The following OXR1 variants were observed in gnomAD, a reference collection of about 807,000 sequenced individuals.
OXR1 encodes oxidation resistance protein 1.
Under a neutral mutation model 104.6 loss-of-function variants are expected in OXR1, and 41 were observed. The ratio of observed to expected loss-of-function variants is 0.39; its 90% CI spans 0.31 to 0.51. OXR1 has a LOEUF of 0.51. Ranked by LOEUF, OXR1 falls within the 20% of genes least tolerant of loss-of-function variation. The probability of loss-of-function intolerance (pLI) is 0.77; values close to 1 mark genes in which losing one functional copy is unlikely to be tolerated. For synonymous variants in OXR1, 348 were observed against 348.4 expected (o/e 1.00, Z 0.01); for missense variants, 955 against 1,031.9 (o/e 0.93, Z 1.02).
intron 2 of OXR1, among the ~76,000 whole-genome samples, chr8:106,463,834 T>C (rs1821035835): frequency 6.6e-6 from 1 of 152,078 alleles, no homozygotes; most frequent in Non-Finnish European, 1.5e-5. Context: ...CAATAAATGC[T>C]TTTTTGCTAT....
At chr8:106,417,296 CA>C (rs1408839722) in intron 2 of OXR1, among the ~76,000 whole-genome samples, 8 of 152,180 alleles carry the variant, frequency 5.3e-5, no homozygotes, top group African/African-American at 1.9e-4. Flanking sequence ...ATTGGAACTC[CA>C]CTATTATGCA....
chr8:106,699,685 A>T (rs1587145506), intron 7 of OXR1, among the ~76,000 whole-genome samples: 1 of 152,204 alleles, frequency 6.6e-6, no homozygotes. Flanking sequence ...CATTGGCAGG[A>T]TTAGGAATGA....
intron 3 of OXR1, among the ~76,000 whole-genome samples, chr8:106,585,140 A>G (rs1276584997): frequency 6.6e-6 from 1 of 151,916 alleles, no homozygotes; most frequent in African/African-American, 2.4e-5. Flanking sequence ...CTGGGGTGAA[A>G]AGTTGCTTAT....
At chr8:106,325,438 T>A (rs1814430149) in intron 1 of OXR1, among the ~76,000 whole-genome samples, 1 of 152,236 alleles carries the variant, frequency 6.6e-6, no homozygotes, top group Non-Finnish European at 1.5e-5. Flanking sequence ...TTTCCTAGTT[T>A]TTTTATCCCC....
chr8:106,742,669 A>G, intron 15 of OXR1, among the ~76,000 whole-genome samples: 1 of 152,204 alleles, frequency 6.6e-6, no homozygotes, highest in East Asian at 1.9e-4. Flanking sequence ...CTGATCTTTG[A>G]CAAACCTGAC....
intron 5 of OXR1, among the ~76,000 whole-genome samples, chr8:106,683,554 A>G (rs1828390462): frequency 6.6e-6 from 1 of 152,174 alleles, no homozygotes; most frequent in Non-Finnish European, 1.5e-5. Context: ...TTTTTAAAAT[A>G]TTCAGAACAA....
chr8:106,659,578 G>C (rs1825540380), intron 3 of OXR1, among the ~76,000 whole-genome samples: 1 of 152,238 alleles, frequency 6.6e-6, no homozygotes, highest in Admixed American at 6.5e-5. Flanking sequence ...TGAGTTTTCA[G>C]TAGCCTAATT....
At chr8:106,280,461 A>G (rs960086946) in intron 1 of OXR1, among the ~76,000 whole-genome samples, 52 of 152,142 alleles carry the variant, frequency 3.4e-4, no homozygotes, top group East Asian at 1.9e-4. Flanking sequence ...TTGTTGGTTT[A>G]TAGACTCATC....
chr8:106,700,996 C>T (rs1830540534), intron 7 of OXR1, among the ~76,000 whole-genome samples: 2 of 151,602 alleles, frequency 1.3e-5, no homozygotes, highest in South Asian at 4.2e-4. Context: ...ATCAAATATA[C>T]TCTATCCTTG....
chr8:106,435,864 T>C (rs1250633247), intron 2 of OXR1, among the ~76,000 whole-genome samples: 1 of 152,162 alleles, frequency 6.6e-6, no homozygotes, highest in East Asian at 1.9e-4. Flanking sequence ...GATCACTCAC[T>C]ACTTTATTGG....
chr8:106,286,165 G>A (rs904580603), intron 1 of OXR1, among the ~76,000 whole-genome samples: 1 of 152,206 alleles, frequency 6.6e-6, no homozygotes, highest in East Asian at 1.9e-4. Context: ...AAAGCTATTA[G>A]GATTCTTGCC....
intron 1 of OXR1, chr8:106,272,704 C>G (rs1231211792): frequency 1.3e-5 from 2 of 152,030 alleles, no homozygotes; most frequent in Non-Finnish European, 2.9e-5. Flanking sequence ...TGAAATATAC[C>G]CTTTGAAATA....
intron 3 of OXR1, among the ~76,000 whole-genome samples, chr8:106,601,526 A>C (rs1471030284): frequency 6.6e-6 from 1 of 152,136 alleles, no homozygotes; most frequent in Non-Finnish European, 1.5e-5. Flanking sequence ...TAATTCCCTC[A>C]TGGGTTCCAC....
At chr8:106,637,171 T>G (rs1823208701) in intron 3 of OXR1, among the ~76,000 whole-genome samples, 1 of 152,196 alleles carries the variant, frequency 6.6e-6, no homozygotes, top group South Asian at 2.1e-4. Flanking sequence ...TTAAAATAAT[T>G]TGTTGTTTCT....
At chr8:106,497,815 T>C (rs1022131822) in intron 2 of OXR1, among the ~76,000 whole-genome samples, 2 of 149,902 alleles carry the variant, frequency 1.3e-5, no homozygotes, top group East Asian at 1.9e-4. Flanking sequence ...TGCACACGCG[T>C]GTGTGTGTGT....
intron 2 of OXR1, among the ~76,000 whole-genome samples, chr8:106,500,326 C>T (rs958948634): frequency 6.6e-6 from 1 of 152,210 alleles, no homozygotes; most frequent in Non-Finnish European, 1.5e-5. Flanking sequence ...GGCCTAAACC[C>T]AGCAGTTAAA....
At chr8:106,369,631 C>T (rs1344179547) in intron 2 of OXR1, among the ~76,000 whole-genome samples, 3 of 152,180 alleles carry the variant, frequency 2.0e-5, no homozygotes, top group Non-Finnish European at 2.9e-5. Flanking sequence ...TCAGTTTTCC[C>T]AGCACAATTT....
At chr8:106,648,115 A>C (rs983064192) in intron 3 of OXR1, among the ~76,000 whole-genome samples, 19 of 152,366 alleles carry the variant, frequency 1.2e-4, no homozygotes, top group Middle Eastern at 3.4e-3. Flanking sequence ...GGCTACTCAT[A>C]ATAGTTTTAG....
chr8:106,531,496 G>A (rs1814089409), intron 3 of OXR1, among the ~76,000 whole-genome samples: 1 of 152,032 alleles, frequency 6.6e-6, no homozygotes, highest in South Asian at 2.1e-4. Flanking sequence ...TGATAGAAAG[G>A]GCATTGATAT....
Sources: gnomAD v4.1 joint callset for allele counts (sites outside exome capture counted in the v4.1 genomes callset) on GRCh38, gnomAD v4.1.1 for gene constraint, MANE v1.5 for transcripts, NCBI Gene and HGNC (gene_info 2026-07-23, HGNC 2026-07-21) for gene names.